The following ACSL3 variants were observed in gnomAD, a reference collection of about 807,000 sequenced individuals.
The protein encoded by ACSL3 is fatty acid CoA ligase Acsl3.
A neutral mutation model predicts 84.7 loss-of-function variants in ACSL3; 34 were observed. The ratio of observed to expected loss-of-function variants is 0.40; its 90% CI spans 0.31 to 0.53. The LOEUF (loss-of-function observed/expected upper bound fraction) is 0.53, where lower values mean the gene tolerates loss of function less well. Ranked by LOEUF, ACSL3 falls within the 20% of genes least tolerant of loss-of-function variation. The pLI is 0.48. For synonymous variants in ACSL3, 315 were observed against 299.4 expected, an observed-to-expected ratio of 1.05 and a Z score of -0.54; for missense variants, 680 against 873.1, an observed-to-expected ratio of 0.78 and a Z score of 2.79.
chr2:222,875,475 T>A (rs1281989515), intron 1 of ACSL3, among the ~76,000 whole-genome samples: 2 of 152,216 alleles, frequency 1.3e-5, no homozygotes, highest in Non-Finnish European at 2.9e-5. Context: ...AATTCATTGG[T>A]TTGGCTTTTC....
intron 1 of ACSL3, among the ~76,000 whole-genome samples, chr2:222,883,434 C>T (rs1353543546): frequency 6.6e-6 from 1 of 151,918 alleles, no homozygotes; most frequent in African/African-American, 2.4e-5. Flanking sequence ...CTGCCTGCCT[C>T]GGCCTCCCAA....
intron 1 of ACSL3, among the ~76,000 whole-genome samples, chr2:222,866,659 A>G (rs1222694168): frequency 1.6e-5 from 2 of 127,256 alleles, no homozygotes; most frequent in Non-Finnish European, 3.2e-5. Flanking sequence ...ATGATTGTGT[A>G]GGGAAAGGAG....
intron 1 of ACSL3, among the ~76,000 whole-genome samples, chr2:222,884,779 T>TA (rs1198058810): frequency 2.0e-5 from 3 of 152,206 alleles, no homozygotes; most frequent in Admixed American, 6.5e-5. Flanking sequence ...TACAACTACT[T>TA]AGAGTCTTCT....
rs1055720612 is a variant in ACSL3, at chr2:222,930,078, G to A, written c.1541-543G>A. On this transcript the variant is annotated intron_variant, in intron 13 of 16. Coordinates refer to ENST00000357430, the MANE Select transcript of ACSL3 (RefSeq NM_004457.5). ...CTAATAGCTGGGATTTCAGGTGTGCGCCACCATGCCCGACTAATTTTTTGT... is the reference window on the plus strand; with the variant it reads ...CTAATAGCTGGGATTTCAGGTGTGCACCACCATGCCCGACTAATTTTTTGT... Among the ~76,000 whole-genome samples the A allele has an allele frequency of 2.9e-4, 44 of 151,560 alleles. 2 individuals carry two copies. The highest frequency in any genetic ancestry group is 2.0e-4 in the Admixed American group (3 of 15,232).
chr2:222,908,676 T>C, intron 3 of ACSL3, 57 bp from the exon 4 acceptor site: 2 of 1,251,394 alleles, frequency 1.6e-6, no homozygotes, highest in South Asian at 2.9e-5. Context: ...ATGTAACTTT[T>C]CTTTAAATTA....
chr2:222,919,681 G>A (rs1696680125), intron 7 of ACSL3, among the ~76,000 whole-genome samples: 1 of 152,270 alleles, frequency 6.6e-6, no homozygotes, highest in Non-Finnish European at 1.5e-5. Flanking sequence ...TCTCAAAAAA[G>A]CGTCAGAAAA....
intron 7 of ACSL3, chr2:222,919,406 T>G (rs534705466): frequency 2.3e-5 from 10 of 426,380 alleles, no homozygotes; most frequent in Non-Finnish European, 4.1e-5. Flanking sequence ...ATTATTAATG[T>G]TTTAAAGGTA....
chr2:222,911,764 A>G (rs920850375), intron 4 of ACSL3, among the ~76,000 whole-genome samples: 20 of 152,226 alleles, frequency 1.3e-4, no homozygotes, highest in African/African-American at 4.8e-4. Flanking sequence ...TCCTAGAGCT[A>G]TGATAGTTGT....
chr2:222,879,608 G>GCC (rs1695539285), intron 1 of ACSL3, among the ~76,000 whole-genome samples: 2 of 152,206 alleles, frequency 1.3e-5, no homozygotes, highest in South Asian at 4.1e-4. Context: ...AGCTGCTTCT[G>GCC]TCTCTCTCCA....
intron 16 of ACSL3, among the ~76,000 whole-genome samples, chr2:222,940,469 A>C (rs536547188): frequency 8.8e-4 from 131 of 148,190 alleles, no homozygotes; most frequent in African/African-American, 3.2e-3. Context: ...CTGTGCTGGA[A>C]CTTGTCTTTT....
At position 222,885,530 on chromosome 2, in the gene ACSL3, C is replaced by G. The variant is rs181514472; in HGVS notation, c.-206-2300C>G. Among the ~76,000 whole-genome samples, 9 of 152,188 alleles carry G rather than the reference C, an allele frequency of 5.9e-5. No individual in the cohort carries two copies. In the East Asian group the frequency reaches 1.7e-3, roughly 29 times the overall value. ...ACATAGCCTGCTTTCTCCTGTTGCT[C>G]TTTTTTATTTATAGAAATTCTACAA... On this transcript the variant is annotated intron_variant, in intron 1 of 16. Coordinates refer to ENST00000357430, the MANE Select transcript of ACSL3 (RefSeq NM_004457.5).
intron 3 of ACSL3, among the ~76,000 whole-genome samples, chr2:222,904,040 C>T (rs904633655): frequency 1.8e-4 from 27 of 152,074 alleles, no homozygotes; most frequent in African/African-American, 6.5e-4. Context: ...TTTGGGAGGC[C>T]GAGGCGGGCG....
chr2:222,882,761 G>GGT (rs1553586475), intron 1 of ACSL3, among the ~76,000 whole-genome samples: 14 of 119,980 alleles, frequency 1.2e-4, no homozygotes, highest in Non-Finnish European at 2.2e-4. Context: ...CCAGATCACT[G>GGT]TTTTTTTTTT....
Position 222,918,074 on chromosome 2 carries a change from T to A in ACSL3, c.585T>A (p.Gly195=). 1.9e-6 allele frequency: 3 copies of A among 1,612,276 alleles called. No homozygotes were observed. The highest frequency in any genetic ancestry group is 2.5e-6 in the Non-Finnish European group (3 of 1,179,008). Residue 195 remains glycine, a synonymous_variant, in exon 6 of 17, where the codon GGT becomes GGA. Transcript: ENST00000357430. ...TTACATTATATGCCACTCTAGGAGGTCCAGCCATTGTTCATGCATTAAATG... is the reference window on the plus strand; with the variant it reads ...TTACATTATATGCCACTCTAGGAGGACCAGCCATTGTTCATGCATTAAATG... ...QLVTLYATLG[G]PAIVHALNET...
At chr2:222,879,061 A>G (rs1294977214) in intron 1 of ACSL3, among the ~76,000 whole-genome samples, 2 of 152,236 alleles carry the variant, frequency 1.3e-5, no homozygotes, top group African/African-American at 2.4e-5. Flanking sequence ...TCACACCTGT[A>G]ATTTCGACAC....
intron 1 of ACSL3, among the ~76,000 whole-genome samples, chr2:222,873,085 T>C (rs1457842070): frequency 1.3e-5 from 2 of 152,238 alleles, no homozygotes; most frequent in Non-Finnish European, 2.9e-5. Context: ...GTCAGTATGC[T>C]TCTTTGGTCC....
intron 12 of ACSL3, 45 bp from the exon 13 acceptor site, chr2:222,928,817 A>G (rs373219638): frequency 5.2e-5 from 76 of 1,457,348 alleles, no homozygotes; most frequent in Middle Eastern, 1.8e-4. Flanking sequence ...GAAGCAGTGT[A>G]TTAGCTACTG....
At chr2:222,868,046 A>C (rs918477050) in intron 1 of ACSL3, among the ~76,000 whole-genome samples, 4 of 151,818 alleles carry the variant, frequency 2.6e-5, no homozygotes, top group Non-Finnish European at 4.4e-5. Context: ...TTACAGATAT[A>C]TATTATTTTA....
intron 16 of ACSL3, among the ~76,000 whole-genome samples, chr2:222,938,717 C>T (rs1316552843): frequency 6.6e-6 from 1 of 152,114 alleles, no homozygotes; most frequent in African/African-American, 2.4e-5. Context: ...TTCAAATAGG[C>T]TTTCTGCTCC....
Sources: allele counts gnomAD v4.1 joint callset (sites outside exome capture counted in the v4.1 genomes callset), GRCh38; gene constraint gnomAD v4.1.1; transcripts MANE v1.5; gene names NCBI Gene and HGNC (gene_info 2026-07-23, HGNC 2026-07-21).